The following LRP5 variants were observed in gnomAD, a reference collection of about 807,000 sequenced individuals.
LRP5 encodes the protein LDL receptor related protein 5, also known as low-density lipoprotein receptor-related protein 5.
Under a neutral mutation model 154.1 loss-of-function variants are expected in LRP5, and 62 were observed. The ratio of observed to expected loss-of-function variants is 0.40; its 90% CI spans 0.33 to 0.50. LRP5 has a LOEUF of 0.50. Ranked by LOEUF, LRP5 falls within the 20% of genes least tolerant of loss-of-function variation. LRP5 has a pLI of 0.55. For missense variants in LRP5, 1,915 were observed against 2,336.7 expected (o/e 0.82, Z 3.72); for synonymous variants, 966 against 1,011.5 (o/e 0.96, Z 0.85).
At chr11:68,339,355 C>T (rs994789807) in intron 1 of LRP5, among the ~76,000 whole-genome samples, 7 of 151,164 alleles carry the variant, frequency 4.6e-5, no homozygotes, top group African/African-American at 1.7e-4. Context: ...CTAATTTTTT[C>T]TTTTTTTTCC....
At chr11:68,437,035 G>A in intron 19 of LRP5, 36 bp downstream of exon 19, 1 of 1,577,466 alleles carries the variant, frequency 6.3e-7, no homozygotes, top group Non-Finnish European at 8.7e-7. Flanking sequence ...GGGGCGTCCG[G>A]GCTGGGTTCC....
intron 2 of LRP5, among the ~76,000 whole-genome samples, chr11:68,351,666 G>A (rs531723423): frequency 6.6e-6 from 1 of 152,194 alleles, no homozygotes; most frequent in African/African-American, 2.4e-5. Context: ...GAGCCCTTGC[G>A]CCTGGTCCTG....
intron 16 of LRP5, among the ~76,000 whole-genome samples, chr11:68,427,847 T>A (rs1209858591): frequency 1.3e-5 from 2 of 152,206 alleles, no homozygotes; most frequent in Non-Finnish European, 2.9e-5. Context: ...CAGCTCTCCC[T>A]CCAAGCTGCC....
At chr11:68,345,759 T>C (rs894544292) in intron 1 of LRP5, among the ~76,000 whole-genome samples, 1 of 152,242 alleles carries the variant, frequency 6.6e-6, no homozygotes, top group African/African-American at 2.4e-5. Context: ...TTTTCCATAG[T>C]AGCTGCACCA....
In LRP5 at chr11:68,378,035, C is replaced by G. The variant is rs147294518; in HGVS notation, c.1016-8281C>G. Among the ~76,000 whole-genome samples the G allele has an allele frequency of 6.2e-3, 939 of 152,270 alleles. 6 individuals are homozygous for G. Among genetic ancestry groups the G allele is most frequent in the African/African-American group, 0.02 (837 of 41,554 alleles). On this transcript the variant is annotated intron_variant, in intron 5 of 22. Coordinates refer to ENST00000294304, the MANE Select transcript of LRP5 (RefSeq NM_002335.4). ...TGTGGCCTGGGAGCTGCACTTGGTT[C>G]GGTGCAGGGAGGTTGTGACATCCAC...
chr11:68,398,530 C>T (rs770133957), intron 7 of LRP5, among the ~76,000 whole-genome samples: 3 of 152,066 alleles, frequency 2.0e-5, no homozygotes, highest in Non-Finnish European at 4.4e-5. Context: ...TCCTGAAAAA[C>T]AAGTGCACAG....
At chr11:68,348,485 TG>T (rs35379408) in intron 2 of LRP5, among the ~76,000 whole-genome samples, 1 of 135,482 alleles carries the variant, frequency 7.4e-6, no homozygotes. Context: ...AATGAACCCG[TG>T]GGGGGGTTGG....
In LRP5 at chr11:68,347,874, G is replaced by A. The variant is rs2098614505; in HGVS notation, c.119G>A (p.Arg40His). 1 of 1,613,498 alleles carries A rather than the reference G, an allele frequency of 6.2e-7. No individual in the cohort carries two copies. The highest frequency in any genetic ancestry group is 1.3e-5 in the African/African-American group (1 of 74,934). The change falls in exon 2 of 23, where the codon CGC (arginine) becomes CAC (histidine). Residue 40 changes from arginine to histidine, a missense_variant. By Grantham distance (29) the Arg-to-His change is conservative. This residue lies in a region of LRP5 where 773 missense variants were observed against 1,100.9 expected (regional missense o/e 0.70). Transcript: ENST00000294304. ...AASPLLLFAN[R>H]RDVRLVDAGG... The stretch of plus-strand genomic sequence containing the variant: ...TCGCCGCTCCTGCTATTTGCCAACC[G>A]CCGGGACGTACGGCTGGTGGACGCC...
chr11:68,308,726 C>T (rs562053533), upstream of LRP5, among the ~76,000 whole-genome samples: 16 of 151,798 alleles, frequency 1.1e-4, no homozygotes, highest in Non-Finnish European at 1.6e-4. Context: ...CTTTGGGTCC[C>T]AGGCCACAGC....
At chr11:68,318,347 C>CTTT (rs777922038) in intron 1 of LRP5, among the ~76,000 whole-genome samples, 2 of 127,790 alleles carry the variant, frequency 1.6e-5, no homozygotes, top group African/African-American at 5.8e-5. Context: ...ACCCGGCCTG[C>CTTT]TTTTTTTTTT....
intron 2 of LRP5, among the ~76,000 whole-genome samples, chr11:68,349,117 T>G (rs2098616227): frequency 6.7e-6 from 1 of 149,242 alleles, no homozygotes. Flanking sequence ...ACTGCAACCT[T>G]CGCCTCCCGG....
intron 5 of LRP5, among the ~76,000 whole-genome samples, chr11:68,377,448 G>T (rs1272891697): frequency 6.6e-6 from 1 of 152,192 alleles, no homozygotes; most frequent in East Asian, 1.9e-4. Context: ...CCGGCCTCAG[G>T]TTCCAGCAGA....
At chr11:68,337,197 G>A (rs563625234) in intron 1 of LRP5, among the ~76,000 whole-genome samples, 1 of 152,324 alleles carries the variant, frequency 6.6e-6, no homozygotes, top group African/African-American at 2.4e-5. Context: ...GCAAAGCCTT[G>A]TTTTTGCACA....
chr11:68,386,211 C>G lies in LRP5; in HGVS notation c.1016-105C>G. 7.0e-7 allele frequency: 1 copy of G among 1,420,168 alleles called. No homozygotes were observed. The highest frequency in any genetic ancestry group is 9.8e-7 in the Non-Finnish European group (1 of 1,021,192). The allele number at this position is 1,420,168 out of a possible 1,614,324, so 88.0% of individuals were successfully genotyped here. A position where few individuals can be genotyped will look rare whatever the true frequency, so the allele number is the denominator to read the frequency against. ...CATCACCAGCCTTTGCAAGGAGAGC[C>G]CTGGGGGCCTGGCTGAGTATTTCCC... On this transcript the variant is annotated intron_variant, in intron 5 of 22. Transcript: ENST00000294304. This position sits in a 1 kb window ranked among gnomAD's most constrained non-coding sequence, Gnocchi z 7.9.
intron 8 of LRP5, among the ~76,000 whole-genome samples, chr11:68,406,008 CCT>C (rs1426111989): frequency 2.0e-5 from 3 of 152,264 alleles, no homozygotes; most frequent in Non-Finnish European, 4.4e-5. Flanking sequence ...CGAGCTGCTC[CCT>C]GACTTCCTGA....
intron 15 of LRP5, 73 bp downstream of exon 15, chr11:68,425,365 T>A (rs1462057171): frequency 5.4e-6 from 8 of 1,472,362 alleles, no homozygotes; most frequent in Non-Finnish European, 7.4e-6. Context: ...AGCTGCCACA[T>A]TGTCCGAGAC....
rs539204705 is a variant in LRP5 at position 68,317,928 on chromosome 11, G to A, written c.91+5123G>A. Among the ~76,000 whole-genome samples the A allele has an allele frequency of 2.6e-4, 40 of 152,190 alleles. No individual in the cohort carries two copies. In the Middle Eastern group the frequency reaches 0.01, roughly 39 times the overall value. On this transcript the variant is annotated intron_variant, in intron 1 of 22. Coordinates refer to ENST00000294304, the MANE Select transcript of LRP5 (RefSeq NM_002335.4). ...GTCTCTTGCTGTGGACCCCCTGGGA[G>A]GTTGTCCTGGGGGTGCGGGGATTGT...
intron 16 of LRP5, 136 bp from the exon 17 acceptor site, chr11:68,429,439 G>A (rs2098670730): frequency 2.9e-6 from 3 of 1,023,874 alleles, no homozygotes; most frequent in Non-Finnish European, 4.5e-6. Context: ...GAATAAGTGG[G>A]AGGATCCTCC....
At chr11:68,378,461 A>G (rs1385819377) in intron 5 of LRP5, among the ~76,000 whole-genome samples, 1 of 152,016 alleles carries the variant, frequency 6.6e-6, no homozygotes, top group Admixed American at 6.6e-5. Context: ...GTGGAGGGGT[A>G]GGTGGCTCGT....
Sources: allele counts gnomAD v4.1 joint callset (sites outside exome capture counted in the v4.1 genomes callset), GRCh38; gene constraint gnomAD v4.1.1; regional missense constraint gnomAD v4.1.1; non-coding constraint Gnocchi (gnomAD v3.1); transcripts MANE v1.5; gene names NCBI Gene and HGNC (gene_info 2026-07-23, HGNC 2026-07-21).